The following FARP1 variants were observed in gnomAD, a reference collection of about 807,000 sequenced individuals.
The protein encoded by FARP1 is FERM, ARHGEF and pleckstrin domain-containing protein 1.
A neutral mutation model predicts 128.8 loss-of-function variants in FARP1; 52 were observed. The observed-to-expected ratio is 0.40, with a 90% CI of 0.32 to 0.51. The LOEUF (loss-of-function observed/expected upper bound fraction) is 0.51, where lower values mean the gene tolerates loss of function less well. FARP1 is among the 20% of genes least tolerant of loss of function. The pLI, the probability that FARP1 is intolerant of heterozygous loss-of-function variation, is 0.45. For missense variants in FARP1, 1,333 were observed against 1,367.9 expected (o/e 0.97, Z 0.40); for synonymous variants, 580 against 551.8 (o/e 1.05, Z -0.72).
intron 2 of FARP1, among the ~76,000 whole-genome samples, chr13:98,312,044 A>T (rs1886483968): frequency 1.4e-5 from 2 of 146,480 alleles, no homozygotes; most frequent in Non-Finnish European, 3.0e-5. Context: ...ACAGGGTTTC[A>T]CCATGTTGGC....
chr13:98,222,304 TA>T (rs1881458473), intron 2 of FARP1, among the ~76,000 whole-genome samples: 1 of 152,178 alleles, frequency 6.6e-6, no homozygotes, highest in Admixed American at 6.5e-5. Flanking sequence ...AGAAAATGAA[TA>T]AAAACAATAA....
chr13:98,438,124 T>C (rs1443069430), intron 19 of FARP1, among the ~76,000 whole-genome samples: 1 of 152,186 alleles, frequency 6.6e-6, no homozygotes, highest in African/African-American at 2.4e-5. Flanking sequence ...TGTTTTTAAG[T>C]GCTTGTGCCC....
rs757647757 is a variant in FARP1, at chr13:98,176,714, C to G, written c.-24+33222C>G. The G allele has an allele frequency of 6.2e-7, 1 of 1,614,062 alleles. No individual in the cohort carries two copies. Among genetic ancestry groups the G allele is most frequent in the Non-Finnish European group, 8.5e-7 (1 of 1,180,048 alleles). The stretch of plus-strand genomic sequence containing the variant: ...AGATGCCCTGGCGCACGTATGGGGC[C>G]CTTCCTCGCCATCCCCGAGGAGGAG... On this transcript the variant is annotated intron_variant, in intron 1 of 26. Transcript: ENST00000319562. This position sits in a 1 kb window ranked among gnomAD's most constrained non-coding sequence, Gnocchi z 6.2.
intron 2 of FARP1, among the ~76,000 whole-genome samples, chr13:98,276,721 C>G (rs1884670330): frequency 6.6e-6 from 1 of 152,102 alleles, no homozygotes; most frequent in Non-Finnish European, 1.5e-5. Context: ...AAGTTAGGTT[C>G]CTAGGAAGAA....
At chr13:98,283,163 A>G (rs1007167968) in intron 2 of FARP1, among the ~76,000 whole-genome samples, 2 of 152,226 alleles carry the variant, frequency 1.3e-5, no homozygotes, top group African/African-American at 4.8e-5. Flanking sequence ...ATAACTCTGC[A>G]TAAATGCTAT....
Position 98,408,573 on chromosome 13 carries a change from C to T in FARP1, c.1415-765C>T, listed in dbSNP as rs375496059. Among the ~76,000 whole-genome samples the T allele has an allele frequency of 4.6e-4, 70 of 152,290 alleles. No individual in the cohort carries two copies. In the South Asian group the frequency reaches 0.013, roughly 29 times the overall value. ...CAAACTCCTGACCTCAGGCAATCCG[C>T]CTGCCTCGGCCTCCCAAAGTGCTGG... On this transcript the variant is annotated intron_variant, in intron 13 of 26. Transcript: ENST00000319562.
At chr13:98,275,117 G>A (rs1884575014) in intron 2 of FARP1, among the ~76,000 whole-genome samples, 1 of 152,122 alleles carries the variant, frequency 6.6e-6, no homozygotes, top group Non-Finnish European at 1.5e-5. Flanking sequence ...ATCTGTGAGA[G>A]GTCTGAGGCT....
chr13:98,197,256 C>T (rs2139254016), intron 1 of FARP1, among the ~76,000 whole-genome samples: 2 of 152,206 alleles, frequency 1.3e-5, no homozygotes, highest in African/African-American at 4.8e-5. Flanking sequence ...CACCTGAGGT[C>T]GGGAGTTCGA....
intron 2 of FARP1, among the ~76,000 whole-genome samples, chr13:98,251,537 G>A (rs1468842145): frequency 1.3e-5 from 2 of 151,980 alleles, no homozygotes; most frequent in Non-Finnish European, 2.9e-5. Flanking sequence ...ACAAAAATTA[G>A]CTGGGCATGG....
intron 1 of FARP1, among the ~76,000 whole-genome samples, chr13:98,212,021 A>AGC (rs58484508): frequency 0.78 from 118,551 of 151,556 alleles, 46,601 homozygotes; most frequent in East Asian, 1. Context: ...CAGAGGGGAT[A>AGC]ACACATGTGC....
intron 2 of FARP1, among the ~76,000 whole-genome samples, chr13:98,316,946 T>C (rs1415087475): frequency 6.6e-6 from 1 of 152,166 alleles, no homozygotes; most frequent in Admixed American, 6.5e-5. Flanking sequence ...GTTAGGAAAG[T>C]TTAGGAAGGA....
In FARP1 at chr13:98,410,756, A is replaced by G. The variant is rs1203235326; in HGVS notation, c.1625A>G (p.Tyr542Cys). 6.2e-7 allele frequency: 1 copy of G among 1,602,980 alleles called. No individual in the cohort carries two copies. Among genetic ancestry groups the G allele is most frequent in the Non-Finnish European group, 8.5e-7 (1 of 1,172,026 alleles). Residue 542 changes from tyrosine to cysteine, a missense_variant, in exon 15 of 27, where the codon TAC (tyrosine) becomes TGC (cysteine). Coordinates refer to ENST00000319562, the MANE Select transcript of FARP1 (RefSeq NM_005766.4). Reference sequence around the variant, plus strand: ...CAGAGATTCCCAACTGATAAAGCGTACTTCATAGCTAAGGAAGTGTCTACC... The same window carrying G: ...CAGAGATTCCCAACTGATAAAGCGTGCTTCATAGCTAAGGAAGTGTCTACC... ...RRKRFPTDKA[Y>C]FIAKEVSTTE...
intron 2 of FARP1, among the ~76,000 whole-genome samples, chr13:98,308,244 C>T (rs1854635764): frequency 6.6e-6 from 1 of 152,070 alleles, no homozygotes; most frequent in South Asian, 2.1e-4. Flanking sequence ...TGATAACTGT[C>T]CTATCTGTGT....
At chr13:98,408,061 C>T (rs764673600) in intron 13 of FARP1, among the ~76,000 whole-genome samples, 3 of 152,154 alleles carry the variant, frequency 2.0e-5, no homozygotes, top group African/African-American at 7.2e-5. Flanking sequence ...ATTGAGAAAG[C>T]GCTGACTTTG....
chr13:98,309,788 C>A (rs1199895210), intron 2 of FARP1, among the ~76,000 whole-genome samples: 1 of 152,198 alleles, frequency 6.6e-6, no homozygotes, highest in East Asian at 1.9e-4. Context: ...CAGCCCCTTA[C>A]CCCAAACGGA....
At chr13:98,279,720 C>A (rs1884840840) in intron 2 of FARP1, among the ~76,000 whole-genome samples, 2 of 152,150 alleles carry the variant, frequency 1.3e-5, no homozygotes, top group Admixed American at 1.3e-4. Context: ...GGGACATCAC[C>A]ATTGCATATA....
intron 1 of FARP1, among the ~76,000 whole-genome samples, chr13:98,174,343 T>G (rs777953496): frequency 1.1e-4 from 16 of 152,142 alleles, no homozygotes; most frequent in Non-Finnish European, 2.1e-4. Context: ...CGTAGCTGAG[T>G]CCAGTGTCTA....
At chr13:98,220,973 C>G (rs755723535) in intron 2 of FARP1, among the ~76,000 whole-genome samples, 3 of 152,084 alleles carry the variant, frequency 2.0e-5, no homozygotes, top group African/African-American at 4.8e-5. Context: ...TGAAAAGCTG[C>G]TTTTTTTCTC....
intron 1 of FARP1, among the ~76,000 whole-genome samples, chr13:98,153,361 A>AT (rs1383151827): frequency 1.3e-4 from 1 of 7,444 alleles, no homozygotes; most frequent in Non-Finnish European, 9.6e-3. Flanking sequence ...AAAAATATAT[A>AT]AAATATGTTA....
Sources: gnomAD v4.1 joint callset for allele counts (sites outside exome capture counted in the v4.1 genomes callset) on GRCh38, gnomAD v4.1.1 for gene constraint, Gnocchi (gnomAD v3.1) non-coding constraint, MANE v1.5 for transcripts, NCBI Gene and HGNC (gene_info 2026-07-23, HGNC 2026-07-21) for gene names.